FREM2: variants seen among roughly 807,000 people sequenced by gnomAD.
FREM2 encodes the protein FRAS1 related extracellular matrix 2, also known as FRAS1-related extracellular matrix protein 2.
Under a neutral mutation model 219.9 loss-of-function variants are expected in FREM2, and 119 were observed. That is an observed-to-expected ratio of 0.54 (90% CI 0.47 to 0.63). FREM2 has a LOEUF of 0.63. Among genes scored for constraint, FREM2 ranks in the 30% least tolerant of loss-of-function variants. The pLI is 0.00. For synonymous variants in FREM2, 1,562 were observed against 1,522.8 expected, an observed-to-expected ratio of 1.03 and a Z score of -0.60; for missense variants, 4,030 against 3,993.6, an observed-to-expected ratio of 1.01 and a Z score of -0.25.
intron 2 of FREM2, among the ~76,000 whole-genome samples, chr13:38,723,261 T>TA (rs1329491859): frequency 1.3e-4 from 19 of 150,744 alleles, no homozygotes; most frequent in South Asian, 8.4e-4. Flanking sequence ...AAATAAAAAA[T>TA]AAAATAAAAC....
At chr13:38,731,788 C>T (rs980781516) in intron 2 of FREM2, among the ~76,000 whole-genome samples, 3 of 152,078 alleles carry the variant, frequency 2.0e-5, no homozygotes, top group African/African-American at 7.2e-5. Context: ...AACATTTGCC[C>T]CAAGTAGAAT....
intron 16 of FREM2, among the ~76,000 whole-genome samples, chr13:38,871,866 G>A (rs1173090027): frequency 6.6e-6 from 1 of 152,102 alleles, no homozygotes; most frequent in Non-Finnish European, 1.5e-5. Context: ...CTAAACACCA[G>A]AAGGAGGAAA....
intron 6 of FREM2, among the ~76,000 whole-genome samples, chr13:38,793,878 G>A (rs1874664421): frequency 6.6e-6 from 1 of 152,218 alleles, no homozygotes; most frequent in Non-Finnish European, 1.5e-5. Flanking sequence ...TTTCTAGTTA[G>A]AGCTGTTGGG....
rs1566129754 is a variant in FREM2, at chr13:38,754,903, T to TGA, written c.5264-9401_5264-9400insGA. Among the ~76,000 whole-genome samples, 20 of 148,734 alleles carry TGA rather than the reference T, an allele frequency of 1.3e-4. 1 individual carries two copies. Among genetic ancestry groups the TGA allele is most frequent in the African/African-American group, 4.4e-4 (18 of 40,526 alleles). The stretch of plus-strand genomic sequence containing the variant: ...ATGATGATGATGATGATGATGATGA[T>TGA]TATTATTATTATTATTAGAGATGGA... On this transcript the variant is annotated intron_variant, in intron 2 of 23. Coordinates refer to ENST00000280481, the MANE Select transcript of FREM2 (RefSeq NM_207361.6).
At chr13:38,765,637 A>G (rs1438048259) in intron 3 of FREM2, among the ~76,000 whole-genome samples, 1 of 151,808 alleles carries the variant, frequency 6.6e-6, no homozygotes, top group Admixed American at 6.6e-5. Flanking sequence ...TGCTGCAGCC[A>G]GAACCCCACC....
Position 38,872,937 on chromosome 13 carries a change from G to C in FREM2, c.8176+3G>C, listed in dbSNP as rs1166983166. The C allele has an allele frequency of 6.2e-7, 1 of 1,612,094 alleles. No homozygotes were observed. The highest frequency in any genetic ancestry group is 8.5e-7 in the Non-Finnish European group (1 of 1,178,508). The stretch of plus-strand genomic sequence containing the variant: ...CCCCCCAGAGGCTGAACTTCAAGGT[G>C]AGTTCAGAAGACTTGGAAAATTCTA... On this transcript the variant is annotated splice_donor_region_variant and intron_variant, in intron 17 of 23. Coordinates refer to ENST00000280481, the MANE Select transcript of FREM2 (RefSeq NM_207361.6).
chr13:38,708,806 C>G (rs1421686204), intron 2 of FREM2, among the ~76,000 whole-genome samples: 2 of 152,102 alleles, frequency 1.3e-5, no homozygotes, highest in Admixed American at 6.6e-5. Flanking sequence ...GTTGCCCACG[C>G]TGGAATGCAA....
rs1878705645 is a variant in FREM2 at position 38,885,800 on chromosome 13, A to G, written c.*5013A>G. 6.6e-6 allele frequency: 1 copy of G among 152,186 alleles called. No homozygotes were observed. The highest frequency in any genetic ancestry group is 2.4e-5 in the African/African-American group (1 of 41,468). 9.4% of individuals were successfully genotyped at this position (152,186 alleles called of 1,614,324 possible). ...TTCTCTCAATGGAGGTTCAACATTG[A>G]CATTTAAGATGTAAAAAAAATTACT... On this transcript the variant is annotated 3_prime_UTR_variant, in exon 24 of 24. Transcript: ENST00000280481.
intron 2 of FREM2, among the ~76,000 whole-genome samples, chr13:38,722,079 G>A (rs1004170745): frequency 2.6e-5 from 4 of 151,872 alleles, no homozygotes; most frequent in Non-Finnish European, 5.9e-5. Context: ...GAGTGCAGTG[G>A]CACAATCATA....
Position 38,690,382 on chromosome 13 carries a change from C to T in FREM2, c.3038C>T (p.Ser1013Phe), listed in dbSNP as rs749646432. Residue 1013 changes from serine to phenylalanine, a missense_variant, in exon 1 of 24, where the codon TCT becomes TTT. Physicochemically the swap from Ser to Phe is radical, Grantham distance 155. Coordinates refer to ENST00000280481, the MANE Select transcript of FREM2 (RefSeq NM_207361.6). ...ACTCAAAGGGACATCTTGGAGGGCT[C>T]TGTTGTATATACCCACACCAGTGGT... ...QFTQRDILEG[S>F]VVYTHTSGEI... is the part of the protein sequence containing the mutation. 6.8e-6 allele frequency: 11 copies of T among 1,614,212 alleles called. No individual in the cohort carries two copies. Among genetic ancestry groups the T allele is most frequent in the Non-Finnish European group, 9.3e-6 (11 of 1,180,032 alleles).
In FREM2 at chr13:38,754,858, A is replaced by AGAT. The variant is rs1157940850; in HGVS notation, c.5264-9403_5264-9401dup. ...CAAAGCCCATGCCACTGGTTGGTCAAGATGATGATGATGATGATGATGATG... is the reference window on the plus strand; with the variant it reads ...CAAAGCCCATGCCACTGGTTGGTCAAGATGATGATGATGATGATGATGATGATG... On this transcript the variant is annotated intron_variant, in intron 2 of 23. Transcript: ENST00000280481. 8.3e-3 allele frequency among the ~76,000 whole-genome samples: 1,166 copies of AGAT among 141,274 alleles called. 17 individuals are homozygous for AGAT. Among genetic ancestry groups the AGAT allele is most frequent in the African/African-American group, 0.027 (1,007 of 37,142 alleles). 92.7% of individuals were successfully genotyped at this position (141,274 alleles called of 152,430 possible).
At chr13:38,827,845 A>G (rs1876354137) in intron 6 of FREM2, among the ~76,000 whole-genome samples, 1 of 152,144 alleles carries the variant, frequency 6.6e-6, no homozygotes, top group Admixed American at 6.6e-5. Flanking sequence ...TAAAGAGTAA[A>G]AATGTTTTAG....
At chr13:38,741,952 A>G (rs1430448395) in intron 2 of FREM2, among the ~76,000 whole-genome samples, 5 of 152,192 alleles carry the variant, frequency 3.3e-5, no homozygotes, top group Admixed American at 2.6e-4. Flanking sequence ...TTGACAATGA[A>G]AAAAATACAT....
chr13:38,723,612 A>G (rs1209665374), intron 2 of FREM2, among the ~76,000 whole-genome samples: 3 of 152,170 alleles, frequency 2.0e-5, no homozygotes, highest in African/African-American at 7.2e-5. Flanking sequence ...ATAATTGCTA[A>G]TGTTTATTGA....
chr13:38,875,644 G>A (rs763643618), intron 18 of FREM2, among the ~76,000 whole-genome samples: 4 of 152,210 alleles, frequency 2.6e-5, no homozygotes, highest in Non-Finnish European at 4.4e-5. Context: ...AGTTCAGCTC[G>A]TAACTTCAGT....
At chr13:38,699,382 G>A (rs1417113235) in intron 2 of FREM2, among the ~76,000 whole-genome samples, 2 of 151,956 alleles carry the variant, frequency 1.3e-5, no homozygotes, top group African/African-American at 2.4e-5. Flanking sequence ...TAAAATTTTG[G>A]TCTCTATTCC....
chr13:38,769,834 T>C (rs1282586288), intron 4 of FREM2, 26 bp downstream of exon 4: 11 of 1,539,908 alleles, frequency 7.1e-6, no homozygotes, highest in Non-Finnish European at 9.0e-6. Flanking sequence ...AACTGGTTTA[T>C]GTTGTTGCTG....
chr13:38,767,683 T>C (rs1873494931), intron 3 of FREM2, among the ~76,000 whole-genome samples: 1 of 152,150 alleles, frequency 6.6e-6, no homozygotes, highest in Non-Finnish European at 1.5e-5. Flanking sequence ...TGGCAGTGAA[T>C]TGTAGTGGAT....
At chr13:38,763,568 G>C (rs920578012) in intron 2 of FREM2, among the ~76,000 whole-genome samples, 77 of 96,546 alleles carry the variant, frequency 8.0e-4, no homozygotes, top group African/African-American at 2.7e-3. Context: ...TAGATCAAAG[G>C]AAGTAGAGGG....
Sources: allele counts gnomAD v4.1 joint callset (sites outside exome capture counted in the v4.1 genomes callset), GRCh38; gene constraint gnomAD v4.1.1; transcripts MANE v1.5; gene names NCBI Gene and HGNC (gene_info 2026-07-23, HGNC 2026-07-21).